RDH11: variants seen among roughly 807,000 people sequenced by gnomAD.
RDH11 encodes retinol dehydrogenase 11.
Under a neutral mutation model 33.4 loss-of-function variants are expected in RDH11, and 19 were observed. The observed-to-expected ratio is 0.57, with a 90% CI of 0.40 to 0.83. RDH11 has a LOEUF of 0.83. Among genes scored for constraint, RDH11 ranks in the 40% least tolerant of loss-of-function variants. The pLI is 0.00. For missense variants in RDH11, 353 were observed against 389.0 expected (o/e 0.91, Z 0.78); for synonymous variants, 154 against 155.3 (o/e 0.99, Z 0.06).
At position 67,692,433 on chromosome 14, in the gene RDH11, C is replaced by CT; in HGVS notation, c.349+4dup. On this transcript the variant is annotated splice_donor_region_variant and intron_variant, in intron 3 of 6. Transcript: ENST00000381346. ...ACAACATAGTCTCTCTAGTTCTACA[C>CT]TTACCAGCTAAGAAGCCCTTAGCAA... The CT allele has an allele frequency of 6.2e-7, 1 of 1,614,126 alleles. No homozygotes were observed.
intron 6 of RDH11, among the ~76,000 whole-genome samples, chr14:67,682,563 C>T (rs76889275): frequency 0.035 from 5,355 of 152,262 alleles, 278 homozygotes; most frequent in African/African-American, 0.12. Flanking sequence ...TTCCTTCATA[C>T]TCACTAGGAT....
intron 2 of RDH11, 122 bp from the exon 3 acceptor site, chr14:67,692,715 G>A (rs2037766568): frequency 8.4e-7 from 1 of 1,193,564 alleles, no homozygotes; most frequent in Non-Finnish European, 1.2e-6. Flanking sequence ...TCACAACAGA[G>A]GTATCTGATT....
rs1377119252 is a variant in RDH11 at position 67,690,345 on chromosome 14, G to A, written c.531C>T (p.Ser177=). 8 of 1,614,144 alleles carry A rather than the reference G, an allele frequency of 5.0e-6. No individual in the cohort carries two copies. The highest frequency in any genetic ancestry group is 5.1e-6 in the Non-Finnish European group (6 of 1,180,014). Residue 177 remains serine (S), a synonymous_variant, in exon 5 of 7, where the codon TCC becomes TCT. Coordinates refer to ENST00000381346, the MANE Select transcript of RDH11 (RefSeq NM_016026.4). The stretch of plus-strand genomic sequence containing the variant: ...GGATCCTTCCCAGGTGATGTGCGAG[G>A]GAAGACACATTTACTATCCTTGATG... ...SAPSRIVNVS[S]LAHHLGRIHF...
rs1197816107 is a variant in RDH11 at position 67,676,914 on chromosome 14, CATT to C, written c.*1404_*1406del. 1 of 152,076 alleles carries C rather than the reference CATT, an allele frequency of 6.6e-6. No individual in the cohort carries two copies. Among genetic ancestry groups the C allele is most frequent in the Non-Finnish European group, 1.5e-5 (1 of 68,008 alleles). 9.4% of individuals were successfully genotyped at this position (152,076 alleles called of 1,614,324 possible). A position where few individuals can be genotyped will look rare whatever the true frequency, so the allele number is the denominator to read the frequency against. On this transcript the variant is annotated 3_prime_UTR_variant, in exon 7 of 7. Coordinates refer to ENST00000381346, the MANE Select transcript of RDH11 (RefSeq NM_016026.4). The stretch of plus-strand genomic sequence containing the variant: ...ACAGTTCAATATAAATTAAGTAAAA[CATT>C]AATTCATTTATTCTGCACTATTATC...
chr14:67,680,011 A>C (rs1437637848), intron 6 of RDH11, among the ~76,000 whole-genome samples: 1 of 152,210 alleles, frequency 6.6e-6, no homozygotes, highest in African/African-American at 2.4e-5. Flanking sequence ...GTGGGATTCA[A>C]AGTGTGCACC....
At chr14:67,685,678 T>C (rs150772919) in intron 5 of RDH11, among the ~76,000 whole-genome samples, 171 of 152,106 alleles carry the variant, frequency 1.1e-3, no homozygotes, top group East Asian at 0.011. Context: ...TGGAGTGCAG[T>C]GGCATGATCT....
Position 67,678,397 on chromosome 14 carries a change from G to T in RDH11, c.881C>A (p.Ala294Asp). 1 of 1,613,824 alleles carries T rather than the reference G, an allele frequency of 6.2e-7. No homozygotes were observed. Among genetic ancestry groups the T allele is most frequent in the African/African-American group, 1.3e-5 (1 of 75,032 alleles). ...TGCTATAGTCTCATTACGAGCTTGG[G>T]CAGAGACCCATGCCACATGACAGTC... is the stretch of plus-strand genomic sequence containing the variant. ...FSDCHVAWVS[A>D]QARNETIARR... is the part of the protein sequence containing the mutation. Residue 294 changes from alanine (A) to aspartate (D), a missense_variant, in exon 7 of 7, where the codon GCC (alanine) becomes GAC (aspartate). Physicochemically the swap from Ala to Asp is moderately radical, Grantham distance 126. Coordinates refer to ENST00000381346, the MANE Select transcript of RDH11 (RefSeq NM_016026.4).
chr14:67,692,731 ATAGG>A (rs1221071520), intron 2 of RDH11, 138 bp from the exon 3 acceptor site: 3 of 1,029,866 alleles, frequency 2.9e-6, no homozygotes, highest in East Asian at 5.1e-5. Flanking sequence ...TGATTAGCAA[ATAGG>A]TAAAGAAAAA....
intron 6 of RDH11, 109 bp downstream of exon 6, chr14:67,684,906 C>T (rs1235921342): frequency 3.6e-6 from 3 of 824,614 alleles, no homozygotes; most frequent in East Asian, 5.2e-5. Context: ...AGTTAAAAGA[C>T]AAAAGCTATA....
chr14:67,689,326 A>G (rs1012546132), intron 5 of RDH11, among the ~76,000 whole-genome samples: 4 of 152,206 alleles, frequency 2.6e-5, no homozygotes, highest in African/African-American at 9.7e-5. Flanking sequence ...CTCAATTCCT[A>G]GCACAGTTCA....
intron 6 of RDH11, among the ~76,000 whole-genome samples, chr14:67,684,105 T>C (rs1246875960): frequency 6.6e-6 from 1 of 152,216 alleles, no homozygotes; most frequent in Non-Finnish European, 1.5e-5. Flanking sequence ...AGGTTAATTA[T>C]TCATTCATGA....
chr14:67,681,417 A>G (rs1460277681), intron 6 of RDH11, among the ~76,000 whole-genome samples: 1 of 152,262 alleles, frequency 6.6e-6, no homozygotes, highest in Non-Finnish European at 1.5e-5. Flanking sequence ...TCTTTTCAAC[A>G]AATGGTGCTA....
At chr14:67,690,808 C>A (rs1190863222) in intron 4 of RDH11, 8 of 370,370 alleles carry the variant, frequency 2.2e-5, no homozygotes, top group Non-Finnish European at 3.4e-5. Flanking sequence ...CATAGCAAGA[C>A]CCTGTCTTTA....
In RDH11 at chr14:67,695,713, C is replaced by T. The variant is rs1400699744; in HGVS notation, c.-10G>A. 2 of 1,613,612 alleles carry T rather than the reference C, an allele frequency of 1.2e-6. No individual in the cohort carries two copies. Among genetic ancestry groups the T allele is most frequent in the Non-Finnish European group, 1.7e-6 (2 of 1,179,616 alleles). On this transcript the variant is annotated 5_prime_UTR_variant, in exon 1 of 7. Transcript: ENST00000381346. ...ACATGAGCTCAACCATCTCTGCCGGCTGCAGCGGCACCAGAGCGGGATGCT... is the reference window on the plus strand; with the variant it reads ...ACATGAGCTCAACCATCTCTGCCGGTTGCAGCGGCACCAGAGCGGGATGCT...
intron 4 of RDH11, 135 bp downstream of exon 4, chr14:67,691,005 C>G: frequency 1.5e-6 from 1 of 671,152 alleles, no homozygotes; most frequent in South Asian, 1.8e-5. Flanking sequence ...TCAGGTAGGA[C>G]CAAACTATTA....
At position 67,690,322 on chromosome 14, in the gene RDH11, A is replaced by C; in HGVS notation, c.554T>G (p.Ile185Ser). 1 of 1,614,074 alleles carries C rather than the reference A, an allele frequency of 6.2e-7. No individual in the cohort carries two copies. Among genetic ancestry groups the C allele is most frequent in the Non-Finnish European group, 8.5e-7 (1 of 1,179,966 alleles). ...VSSLAHHLGRIHFHNLQGEKF... is the reference protein window; with the variant it reads ...VSSLAHHLGRSHFHNLQGEKF... ...CTCGCCCTGCAGGTTATGGAAGTGGATCCTTCCCAGGTGATGTGCGAGGGA... is the reference window on the plus strand; with the variant it reads ...CTCGCCCTGCAGGTTATGGAAGTGGCTCCTTCCCAGGTGATGTGCGAGGGA... Residue 185 changes from isoleucine (I) to serine (S), a missense_variant, in exon 5 of 7, where the codon ATC becomes AGC. Coordinates refer to ENST00000381346, the MANE Select transcript of RDH11 (RefSeq NM_016026.4).
chr14:67,693,036 C>T lies in RDH11; in HGVS notation c.91G>A (p.Gly31Arg), dbSNP rs1033362794. Reference protein sequence around the residue: ...APQIRKMLSSGVCTSTVQLPG... With the variant: ...APQIRKMLSSRVCTSTVQLPG... ...AGCTGAACAGTTGATGTACACACCC[C>T]ACTGGACAGCATTTTCCTGCAGACA... The change falls in exon 2 of 7, where the codon GGG becomes AGG. Residue 31 changes from glycine to arginine, a missense_variant. Transcript: ENST00000381346. 5.0e-6 allele frequency: 8 copies of T among 1,612,668 alleles called. No individual in the cohort carries two copies. Among genetic ancestry groups the T allele is most frequent in the Non-Finnish European group, 4.2e-6 (5 of 1,178,980 alleles).
rs78218927 is a variant in RDH11 at position 67,686,669 on chromosome 14, G to A, written c.665-1465C>T. On this transcript the variant is annotated intron_variant, in intron 5 of 6. Transcript: ENST00000381346. Reference sequence around the variant, plus strand: ...AAAAAAAAAAAAAAAAGTGCCTGATGCATGGTAAGTGCTAAATGATACTTT... The same window carrying A: ...AAAAAAAAAAAAAAAAGTGCCTGATACATGGTAAGTGCTAAATGATACTTT... Among the ~76,000 whole-genome samples the A allele has an allele frequency of 3.2e-3, 473 of 148,130 alleles. 14 individuals carry two copies. The East Asian group carries it at 0.078, about 25-fold the overall frequency.
At chr14:67,688,754 A>G (rs1471186687) in intron 5 of RDH11, among the ~76,000 whole-genome samples, 1 of 152,118 alleles carries the variant, frequency 6.6e-6, no homozygotes, top group Non-Finnish European at 1.5e-5. Flanking sequence ...GCTTTTTACA[A>G]TGAGAATTAT....
Sources: gnomAD v4.1 joint callset for allele counts (sites outside exome capture counted in the v4.1 genomes callset) on GRCh38, gnomAD v4.1.1 for gene constraint, MANE v1.5 for transcripts, NCBI Gene and HGNC (gene_info 2026-07-23, HGNC 2026-07-21) for gene names.